ATE1: variants seen among roughly 807,000 people sequenced by gnomAD.
ATE1 encodes the protein arginyltransferase 1, also known as arginyl-tRNA--protein transferase 1.
Under a neutral mutation model 70.5 loss-of-function variants are expected in ATE1, and 36 were observed. The ratio of observed to expected loss-of-function variants is 0.51; its 90% confidence interval spans 0.39 to 0.67. ATE1 has a LOEUF of 0.67. ATE1 is among the 30% of genes least tolerant of loss of function. The pLI is 0.00. For synonymous variants in ATE1, 232 were observed against 219.3 expected (o/e 1.06, Z -0.51); for missense variants, 593 against 629.5 (o/e 0.94, Z 0.62).
intron 8 of ATE1, among the ~76,000 whole-genome samples, chr10:121,860,517 T>C (rs1949429991): frequency 6.6e-6 from 1 of 152,168 alleles, no homozygotes; most frequent in Admixed American, 6.5e-5. Context: ...GCAAAAAGGT[T>C]TACCCCAACA....
chr10:121,835,305 C>A (rs1948392619), intron 10 of ATE1, among the ~76,000 whole-genome samples: 1 of 152,104 alleles, frequency 6.6e-6, no homozygotes. Flanking sequence ...CAGCAAGGCA[C>A]TGCTTTTTCA....
At chr10:121,835,540 T>G (rs930951414) in intron 10 of ATE1, among the ~76,000 whole-genome samples, 5 of 151,714 alleles carry the variant, frequency 3.3e-5, no homozygotes, top group Admixed American at 3.3e-4. Context: ...ACATCGCAAA[T>G]ATAATGTATG....
At chr10:121,768,835 ATTTAT>A (rs1018062240) in intron 11 of ATE1, among the ~76,000 whole-genome samples, 4 of 152,158 alleles carry the variant, frequency 2.6e-5, no homozygotes, top group Admixed American at 2.0e-4. Flanking sequence ...TAATTTAGAG[ATTTAT>A]TTTATTTTGA....
chr10:121,808,632 A>G (rs1276479545), intron 10 of ATE1, among the ~76,000 whole-genome samples: 2 of 152,208 alleles, frequency 1.3e-5, no homozygotes, highest in Non-Finnish European at 2.9e-5. Context: ...AACTATAAAT[A>G]TTATAGAATA....
intron 10 of ATE1, among the ~76,000 whole-genome samples, chr10:121,803,145 T>C (rs1360685517): frequency 6.6e-6 from 1 of 152,184 alleles, no homozygotes; most frequent in East Asian, 1.9e-4. Flanking sequence ...TGACCTAAAA[T>C]TCAAACTTGG....
intron 10 of ATE1, among the ~76,000 whole-genome samples, chr10:121,815,245 C>G (rs34312474): frequency 5.3e-5 from 8 of 152,220 alleles, no homozygotes; most frequent in African/African-American, 1.9e-4. Context: ...ACGCCATTCT[C>G]CTGCCTCAGC....
At chr10:121,797,645 C>A (rs527614706) in intron 10 of ATE1, among the ~76,000 whole-genome samples, 1 of 151,868 alleles carries the variant, frequency 6.6e-6, no homozygotes, top group Non-Finnish European at 1.5e-5. Flanking sequence ...CTGAGTGGCA[C>A]GGCCCATGTT....
chr10:121,903,118 T>TTG (rs1564947044), intron 5 of ATE1, among the ~76,000 whole-genome samples: 13 of 132,290 alleles, frequency 9.8e-5, no homozygotes, highest in Admixed American at 1.5e-4. Flanking sequence ...CTCAAACTCC[T>TTG]GACCTCGTGA....
At chr10:121,875,138 C>CAA (rs1276048988) in intron 7 of ATE1, among the ~76,000 whole-genome samples, 20 of 79,348 alleles carry the variant, frequency 2.5e-4, no homozygotes, top group African/African-American at 6.2e-4. Flanking sequence ...GACTCCGTCT[C>CAA]AAAAAAAAAA....
rs141790932 is a variant in ATE1, at chr10:121,841,251, G to A, written c.988C>T (p.Pro330Ser). 2.0e-6 allele frequency: 3 copies of A among 1,511,464 alleles called. No individual in the cohort carries two copies. Among genetic ancestry groups the A allele is most frequent in the Non-Finnish European group, 1.8e-6 (2 of 1,122,062 alleles). 93.6% of individuals were successfully genotyped at this position (1,511,464 alleles called of 1,614,324 possible). ...CCATAGCCACAATCTGGCCCATTAG[G>A]GGGAGTCTCTGCCTAAGAAAAAGCA... ...CSSPLEAETP[P>S]NGPDCGYGSF... The change falls in exon 9 of 12, where the codon CCT (proline) becomes TCT (serine). Residue 330 changes from proline to serine, a missense_variant. Physicochemically the swap from Pro to Ser is moderately conservative, Grantham distance 74. Coordinates refer to ENST00000224652, the MANE Select transcript of ATE1 (RefSeq NM_001001976.3).
chr10:121,846,300 A>G (rs1340896774), intron 8 of ATE1, among the ~76,000 whole-genome samples: 1 of 152,172 alleles, frequency 6.6e-6, no homozygotes, highest in Non-Finnish European at 1.5e-5. Context: ...ATTAGTCCAC[A>G]CTGATATATA....
At chr10:121,842,821 T>A (rs911167145) in intron 8 of ATE1, among the ~76,000 whole-genome samples, 7 of 152,100 alleles carry the variant, frequency 4.6e-5, no homozygotes. Context: ...GACTAATCAC[T>A]CTTAACAAAC....
intron 10 of ATE1, among the ~76,000 whole-genome samples, chr10:121,809,882 A>AAAAAC (rs1158932811): frequency 3.3e-5 from 5 of 152,064 alleles, no homozygotes; most frequent in African/African-American, 4.8e-5. Context: ...GAAAGCCACA[A>AAAAAC]AAAACAAAAC....
intron 10 of ATE1, among the ~76,000 whole-genome samples, chr10:121,826,938 A>G (rs556486155): frequency 3.3e-5 from 5 of 152,282 alleles, no homozygotes; most frequent in African/African-American, 9.6e-5. Flanking sequence ...TGCAAAGTAC[A>G]TAATTTCATT....
rs7084881 is a variant in ATE1, at chr10:121,835,996, A to C, written c.1257+722T>G. Among the ~76,000 whole-genome samples, 1,194 of 152,142 alleles carry C rather than the reference A, an allele frequency of 7.8e-3. 18 individuals carry two copies. The highest frequency in any genetic ancestry group is 0.028 in the African/African-American group (1,154 of 41,524). The stretch of plus-strand genomic sequence containing the variant: ...AACTGTTGATGACTCCCAGGTGCCT[A>C]ATTTAGGTACCTTAGCCTGGCCTTC... On this transcript the variant is annotated intron_variant, in intron 10 of 11. Transcript: ENST00000224652.
intron 11 of ATE1, among the ~76,000 whole-genome samples, chr10:121,785,789 G>A (rs1946180427): frequency 6.6e-6 from 1 of 151,880 alleles, no homozygotes; most frequent in African/African-American, 2.4e-5. Flanking sequence ...TCACGTTGAG[G>A]GACTAGTCTC....
chr10:121,793,804 C>A (rs554646096), intron 10 of ATE1, among the ~76,000 whole-genome samples: 1 of 152,158 alleles, frequency 6.6e-6, no homozygotes, highest in Non-Finnish European at 1.5e-5. Context: ...ACTCTTACGC[C>A]ATATGAAAAT....
chr10:121,847,688 T>A (rs1267103527), intron 8 of ATE1, among the ~76,000 whole-genome samples: 3 of 96,758 alleles, frequency 3.1e-5, no homozygotes, highest in Non-Finnish European at 6.0e-5. Flanking sequence ...AACCAGGGAG[T>A]CAGAGGTTGC....
intron 8 of ATE1, among the ~76,000 whole-genome samples, chr10:121,856,197 G>T (rs1334366894): frequency 6.6e-6 from 1 of 151,830 alleles, no homozygotes; most frequent in African/African-American, 2.4e-5. Context: ...AGAATTATTA[G>T]TATTAAGTAT....
Sources: gnomAD v4.1 joint callset for allele counts (sites outside exome capture counted in the v4.1 genomes callset) on GRCh38, gnomAD v4.1.1 for gene constraint, MANE v1.5 for transcripts, NCBI Gene and HGNC (gene_info 2026-07-23, HGNC 2026-07-21) for gene names.